CNTNAP5: variants seen among roughly 807,000 people sequenced by gnomAD.
The protein encoded by CNTNAP5 is contactin associated protein family member 5.
Under a neutral mutation model 150.2 loss-of-function variants are expected in CNTNAP5, and 72 were observed. The observed-to-expected ratio is 0.48, with a 90% CI of 0.40 to 0.58. The LOEUF (loss-of-function observed/expected upper bound fraction) is 0.58, where lower values mean the gene tolerates loss of function less well. CNTNAP5 is among the 20% of genes least tolerant of loss of function. CNTNAP5 has a pLI of 0.00. For synonymous variants in CNTNAP5, 672 were observed against 619.8 expected (o/e 1.08, Z -1.25); for missense variants, 1,636 against 1,626.2 (o/e 1.01, Z -0.10).
intron 17 of CNTNAP5, among the ~76,000 whole-genome samples, chr2:124,786,529 G>A (rs1224644286): frequency 7.0e-6 from 1 of 143,448 alleles, no homozygotes; most frequent in African/African-American, 2.8e-5. Flanking sequence ...GAAAGAGAAA[G>A]AAAGGAAAGA....
In CNTNAP5 at chr2:124,865,171, A is replaced by T. The variant is rs1357772901; in HGVS notation, c.3218-135A>T. 13 of 675,272 alleles carry T rather than the reference A, an allele frequency of 1.9e-5. No homozygotes were observed. In the Admixed American group the frequency reaches 3.9e-4, roughly 20 times the overall value. The allele number at this position is 675,272 out of a possible 1,614,324, so 41.8% of individuals were successfully genotyped here. Reference sequence around the variant, plus strand: ...TTAGGGACCCTGATAAATATACGTGATATATTTTTAAAAATTGAATAATGG... The same window carrying T: ...TTAGGGACCCTGATAAATATACGTGTTATATTTTTAAAAATTGAATAATGG... On this transcript the variant is annotated intron_variant, in intron 19 of 23. Transcript: ENST00000682447.
chr2:124,568,919 A>G (rs1054572726), intron 11 of CNTNAP5, among the ~76,000 whole-genome samples: 2 of 152,154 alleles, frequency 1.3e-5, no homozygotes, highest in Non-Finnish European at 2.9e-5. Context: ...GTGGCGGCGG[A>G]CGCCTGTAGT....
chr2:124,189,552 A>T (rs1200535260), intron 1 of CNTNAP5, among the ~76,000 whole-genome samples: 1 of 152,218 alleles, frequency 6.6e-6, no homozygotes, highest in Non-Finnish European at 1.5e-5. Flanking sequence ...AGGAGATAAT[A>T]GGTGTGAAAG....
chr2:124,721,547 A>T (rs925834812), intron 13 of CNTNAP5, among the ~76,000 whole-genome samples: 15 of 151,640 alleles, frequency 9.9e-5, no homozygotes, highest in Non-Finnish European at 1.6e-4. Context: ...AAAGAAAAAA[A>T]ATTAAATATA....
intron 1 of CNTNAP5, among the ~76,000 whole-genome samples, chr2:124,041,213 A>G (rs2104631602): frequency 6.6e-6 from 1 of 152,344 alleles, no homozygotes; most frequent in East Asian, 1.9e-4. Context: ...TTGTTGATAC[A>G]TTGTTTAGAG....
intron 19 of CNTNAP5, among the ~76,000 whole-genome samples, chr2:124,831,837 A>T (rs1438322303): frequency 6.6e-6 from 1 of 151,926 alleles, no homozygotes; most frequent in African/African-American, 2.4e-5. Flanking sequence ...GATTGCCTAG[A>T]TTACTTATGA....
At chr2:124,789,764 TG>T in intron 17 of CNTNAP5, 137 bp from the exon 18 acceptor site, 1 of 758,876 alleles carries the variant, frequency 1.3e-6, no homozygotes, top group Non-Finnish European at 2.0e-6. Flanking sequence ...CAACTCTCAC[TG>T]AAACTTTAAT....
At chr2:124,506,320 T>C (rs1694406025) in intron 8 of CNTNAP5, among the ~76,000 whole-genome samples, 1 of 151,924 alleles carries the variant, frequency 6.6e-6, no homozygotes, top group Admixed American at 6.6e-5. Flanking sequence ...AGATAATGGG[T>C]GAGGCAGGTA....
intron 1 of CNTNAP5, among the ~76,000 whole-genome samples, chr2:124,028,756 C>T (rs886300557): frequency 1.3e-5 from 2 of 151,944 alleles, no homozygotes; most frequent in Non-Finnish European, 2.9e-5. Flanking sequence ...GAGTTCTAGC[C>T]CTAGTTATGC....
intron 1 of CNTNAP5, among the ~76,000 whole-genome samples, chr2:124,173,077 T>G: frequency 6.6e-6 from 1 of 152,188 alleles, no homozygotes; most frequent in East Asian, 1.9e-4. Flanking sequence ...TCTTTAATGT[T>G]AGTTATCCTT....
intron 6 of CNTNAP5, among the ~76,000 whole-genome samples, chr2:124,469,007 G>C (rs1693444300): frequency 6.6e-6 from 1 of 152,232 alleles, no homozygotes; most frequent in African/African-American, 2.4e-5. Context: ...TCTGGAGGCA[G>C]TACCTTTCTG....
At chr2:124,525,741 C>T (rs893339728) in intron 9 of CNTNAP5, among the ~76,000 whole-genome samples, 3 of 152,266 alleles carry the variant, frequency 2.0e-5, no homozygotes, top group South Asian at 2.1e-4. Flanking sequence ...AGGGAATACA[C>T]GTCCAGTCTC....
intron 6 of CNTNAP5, among the ~76,000 whole-genome samples, chr2:124,455,413 T>C (rs1340905485): frequency 2.0e-5 from 3 of 151,692 alleles, no homozygotes; most frequent in Non-Finnish European, 4.4e-5. Context: ...AATCAAAAAA[T>C]TACCAATAAA....
intron 13 of CNTNAP5, among the ~76,000 whole-genome samples, chr2:124,709,511 G>A (rs1443830739): frequency 6.6e-6 from 1 of 152,134 alleles, no homozygotes; most frequent in Non-Finnish European, 1.5e-5. Flanking sequence ...TATAAGTAAA[G>A]TTGGTTCAAA....
intron 13 of CNTNAP5, among the ~76,000 whole-genome samples, chr2:124,715,787 A>G (rs1482050272): frequency 6.6e-6 from 1 of 152,184 alleles, no homozygotes; most frequent in African/African-American, 2.4e-5. Context: ...TGCTATAGAA[A>G]GAAGGAGATT....
chr2:124,406,238 G>A (rs1691567606), intron 3 of CNTNAP5, among the ~76,000 whole-genome samples: 1 of 152,146 alleles, frequency 6.6e-6, no homozygotes. Context: ...TGCAGGATAT[G>A]GTCTCAGTGA....
intron 1 of CNTNAP5, among the ~76,000 whole-genome samples, chr2:124,178,911 T>TTTATTTATTTATTTAA (rs1685134877): frequency 1.3e-4 from 1 of 7,616 alleles, no homozygotes; most frequent in African/African-American, 2.8e-4. Context: ...TTATTTGTTA[T>TTTATTTATTTATTTAA]TTATTTATTT....
chr2:124,081,531 A>T (rs1488481260), intron 1 of CNTNAP5, among the ~76,000 whole-genome samples: 10 of 152,208 alleles, frequency 6.6e-5, no homozygotes, highest in Non-Finnish European at 7.3e-5. Flanking sequence ...AAATGTAGGC[A>T]TTCCTCTATA....
chr2:124,045,149 A>G (rs573845438), intron 1 of CNTNAP5, among the ~76,000 whole-genome samples: 1 of 152,152 alleles, frequency 6.6e-6, no homozygotes, highest in Non-Finnish European at 1.5e-5. Flanking sequence ...TTCCCACTTC[A>G]AGATGCCTCA....
Sources: gnomAD v4.1 joint callset for allele counts (sites outside exome capture counted in the v4.1 genomes callset) on GRCh38, gnomAD v4.1.1 for gene constraint, MANE v1.5 for transcripts, NCBI Gene and HGNC (gene_info 2026-07-23, HGNC 2026-07-21) for gene names.